Variants in CNOT10 observed in about 807,000 individuals in gnomAD.
CNOT10 encodes CCR4-NOT transcription complex, subunit 10.
Under a neutral mutation model 94.6 loss-of-function variants are expected in CNOT10, and 30 were observed. The observed-to-expected ratio is 0.32, with a 90% CI of 0.24 to 0.43. The LOEUF (loss-of-function observed/expected upper bound fraction) is 0.43. CNOT10 is among the 20% of genes least tolerant of loss of function. The pLI, the probability that CNOT10 is intolerant of heterozygous loss-of-function variation, is 1.00. For synonymous variants in CNOT10, 289 were observed against 301.6 expected, an observed-to-expected ratio of 0.96 and a Z score of 0.43; for missense variants, 759 against 877.2, an observed-to-expected ratio of 0.87 and a Z score of 1.70.
intron 1 of CNOT10, among the ~76,000 whole-genome samples, chr3:32,701,290 A>G (rs1256966025): frequency 6.6e-6 from 1 of 152,184 alleles, no homozygotes; most frequent in Non-Finnish European, 1.5e-5. Flanking sequence ...TTACCTATAT[A>G]TAGTATTCTT....
At chr3:32,740,236 G>A (rs925178065) in intron 13 of CNOT10, among the ~76,000 whole-genome samples, 2 of 151,914 alleles carry the variant, frequency 1.3e-5, no homozygotes, top group Non-Finnish European at 1.5e-5. Context: ...CGAGGTGGGC[G>A]GATCACGAGG....
intron 13 of CNOT10, among the ~76,000 whole-genome samples, chr3:32,747,358 G>T (rs939768956): frequency 7.2e-5 from 11 of 152,132 alleles, no homozygotes; most frequent in African/African-American, 2.7e-4. Flanking sequence ...TGGAGGTGGA[G>T]GTTGCAGTGA....
intron 1 of CNOT10, among the ~76,000 whole-genome samples, chr3:32,698,826 C>A (rs1246943682): frequency 1.3e-5 from 2 of 152,182 alleles, no homozygotes; most frequent in Non-Finnish European, 2.9e-5. Context: ...TACTCTGCTG[C>A]CCAGGCTGGA....
chr3:32,691,628 C>A (rs1420793640), intron 1 of CNOT10, among the ~76,000 whole-genome samples: 1 of 152,174 alleles, frequency 6.6e-6, no homozygotes, highest in Non-Finnish European at 1.5e-5. Context: ...TGAATCATTT[C>A]AAAATAGGTT....
intron 11 of CNOT10, 22 bp downstream of exon 11, chr3:32,733,566 AGT>A (rs1699048867): frequency 7.0e-7 from 1 of 1,429,812 alleles, no homozygotes. Context: ...GCAAAGAAAA[AGT>A]GTATATATAT....
chr3:32,726,934 C>T (rs772029374), intron 9 of CNOT10, among the ~76,000 whole-genome samples: 1 of 147,468 alleles, frequency 6.8e-6, no homozygotes, highest in Non-Finnish European at 1.5e-5. Flanking sequence ...GCATCCTCCA[C>T]GTCCCAGGTT....
chr3:32,700,713 A>G (rs760735031), intron 1 of CNOT10, among the ~76,000 whole-genome samples: 1 of 152,224 alleles, frequency 6.6e-6, no homozygotes, highest in Non-Finnish European at 1.5e-5. Context: ...ATTCCTGTAT[A>G]AATAAGAAAT....
At chr3:32,686,138 G>A (rs1046511679) in intron 1 of CNOT10, among the ~76,000 whole-genome samples, 1 of 152,066 alleles carries the variant, frequency 6.6e-6, no homozygotes, top group Non-Finnish European at 1.5e-5. Flanking sequence ...CTAGTTCCTC[G>A]AAATTACTTA....
chr3:32,731,123 CG>C (rs1559498372), intron 10 of CNOT10: 1 of 152,138 alleles, frequency 6.6e-6, no homozygotes. Context: ...GAAGTCAGAA[CG>C]GAAGTCCTCA....
rs1192360912 is a variant in CNOT10 at position 32,769,973 on chromosome 3, C to A, written c.2080+11C>A. ...TTGAACTGCAGAATGGTGAGTAATT[C>A]TCTCTGTTTAGGACTTTATCCCTTG... On this transcript the variant is annotated intron_variant, in intron 18 of 18. Transcript: ENST00000328834. 1.9e-6 allele frequency: 3 copies of A among 1,604,762 alleles called. No individual in the cohort carries two copies. The highest frequency in any genetic ancestry group is 1.7e-6 in the Non-Finnish European group (2 of 1,171,808).
At chr3:32,702,187 C>T (rs768995865) in intron 1 of CNOT10, among the ~76,000 whole-genome samples, 20 of 151,962 alleles carry the variant, frequency 1.3e-4, no homozygotes, top group Non-Finnish European at 2.5e-4. Context: ...CCTCTGCCTC[C>T]CAGGTTCAAG....
In CNOT10 at chr3:32,726,638, G is replaced by A. The variant is rs569092802; in HGVS notation, c.1013-1030G>A. Among the ~76,000 whole-genome samples, 4 of 151,248 alleles carry A rather than the reference G, an allele frequency of 2.6e-5. No homozygotes were observed. The South Asian group carries it at 8.4e-4, about 32-fold the overall frequency. ...GTGTACCCAGGAGGCGGAGCTTGCC[G>A]TGAGCCGAGATCATGCCACTGCACT... is the stretch of plus-strand genomic sequence containing the variant. On this transcript the variant is annotated intron_variant, in intron 9 of 18. Coordinates refer to ENST00000328834, the MANE Select transcript of CNOT10 (RefSeq NM_015442.3).
At chr3:32,731,278 C>T (rs78361764) in intron 10 of CNOT10, among the ~76,000 whole-genome samples, 3,348 of 152,162 alleles carry the variant, frequency 0.022, 49 homozygotes, top group East Asian at 0.048. Flanking sequence ...GGAAGTGCAA[C>T]TATAATAAGT....
At chr3:32,739,038 G>A (rs1465444189) in intron 13 of CNOT10, among the ~76,000 whole-genome samples, 1 of 151,728 alleles carries the variant, frequency 6.6e-6, no homozygotes, top group Non-Finnish European at 1.5e-5. Flanking sequence ...CTAAGAAGCT[G>A]GGATTACAGG....
Position 32,725,540 on chromosome 3 carries a change from AG to A in CNOT10, c.955del (p.Ala319LeufsTer32). ...AATTTGGGAATATTCTACTTTAAAA[AG>A]GCTCTGCAAGAGAATGACAATGTCT... is the stretch of plus-strand genomic sequence containing the variant. ...KHNLGIFYFK[K>X]ALQENDNVCA... On this transcript the variant is annotated frameshift_variant, in exon 9 of 19. Transcript: ENST00000328834. LOFTEE classifies it high-confidence loss of function. The A allele has an allele frequency of 2.5e-6, 4 of 1,614,090 alleles. No individual in the cohort carries two copies. The highest frequency in any genetic ancestry group is 3.4e-6 in the Non-Finnish European group (4 of 1,179,918).
chr3:32,698,411 C>T (rs1480170875), intron 1 of CNOT10, among the ~76,000 whole-genome samples: 29 of 152,222 alleles, frequency 1.9e-4, no homozygotes, highest in African/African-American at 5.1e-4. Flanking sequence ...TGGTGACTCT[C>T]AAAAGGGTGT....
chr3:32,742,775 C>T (rs185075969), intron 13 of CNOT10, among the ~76,000 whole-genome samples: 1 of 152,288 alleles, frequency 6.6e-6, no homozygotes, highest in African/African-American at 2.4e-5. Context: ...TCATGGGTGC[C>T]TAGAGTTGCA....
intron 13 of CNOT10, among the ~76,000 whole-genome samples, chr3:32,745,492 G>A (rs1699658217): frequency 2.0e-5 from 1 of 50,096 alleles, no homozygotes; most frequent in Non-Finnish European, 4.5e-5. Context: ...TCTGTGCCCT[G>A]GAATTAAATA....
chr3:32,747,958 C>CA (rs1699778899), intron 13 of CNOT10, among the ~76,000 whole-genome samples: 12 of 151,234 alleles, frequency 7.9e-5, no homozygotes, highest in Admixed American at 5.3e-4. Context: ...ACGCTCCCCC[C>CA]ACCTCCAAAA....
Sources: gnomAD v4.1 joint callset for allele counts (sites outside exome capture counted in the v4.1 genomes callset) on GRCh38, gnomAD v4.1.1 for gene constraint, MANE v1.5 for transcripts, NCBI Gene and HGNC (gene_info 2026-07-23, HGNC 2026-07-21) for gene names.